PMS2: variants seen among roughly 807,000 people sequenced by gnomAD.
PMS2 encodes the protein PMS1 homolog 2, mismatch repair system component, also known as mismatch repair endonuclease PMS2.
In PMS2, 69 loss-of-function variants were observed where a neutral mutation model predicts 90.0. The ratio of observed to expected loss-of-function variants is 0.77; its 90% CI spans 0.63 to 0.94. PMS2 has a LOEUF of 0.94. PMS2 is among the 40% of genes least tolerant of loss of function. PMS2 has a pLI of 0.00. For missense variants in PMS2, 966 were observed against 1,040.2 expected (o/e 0.93, Z 0.98); for synonymous variants, 332 against 375.1 (o/e 0.89, Z 1.33).
At chr7:5,992,592 T>C (rs940243805) in intron 8 of PMS2, among the ~76,000 whole-genome samples, 4 of 152,206 alleles carry the variant, frequency 2.6e-5, no homozygotes, top group Non-Finnish European at 5.9e-5. Context: ...AGTGCTGGGA[T>C]TATAGGCGTA....
intron 14 of PMS2, among the ~76,000 whole-genome samples, chr7:5,976,068 A>G (rs2533071): frequency 0.037 from 5,140 of 138,914 alleles, 292 homozygotes; most frequent in Non-Finnish European, 0.046. Context: ...GTGAAACCCC[A>G]TCTCTATTAA....
At chr7:5,996,417 T>C (rs1041966984) in intron 7 of PMS2, among the ~76,000 whole-genome samples, 8 of 151,590 alleles carry the variant, frequency 5.3e-5, no homozygotes, top group African/African-American at 1.9e-4. Flanking sequence ...CAGCCGGGCA[T>C]GGTGGTGAAC....
In PMS2 at chr7:5,986,914, G is replaced by A. The variant is rs1554297171; in HGVS notation, c.1851C>T (p.Pro617=). The change falls in exon 11 of 15, where the codon CCC becomes CCT. Residue 617 remains proline, a synonymous_variant. Coordinates refer to ENST00000265849, the MANE Select transcript of PMS2 (RefSeq NM_000535.7). ...CTAAAGAACTCATAGAAAAGTCCAG[G>A]GGCACAACTTTCTTATTAATTTTCA... The part of the protein sequence containing the change: ...VAVKINKKVV[P]LDFSMSSLAK... 3.1e-6 allele frequency: 5 copies of A among 1,614,012 alleles called. No homozygotes were observed. Among genetic ancestry groups the A allele is most frequent in the Non-Finnish European group, 1.7e-6 (2 of 1,180,004 alleles).
In PMS2 at chr7:6,006,028, T is replaced by G. The variant is rs1060504842; in HGVS notation, c.27A>C (p.Thr9=). 3.7e-6 allele frequency: 6 copies of G among 1,610,618 alleles called. No homozygotes were observed. In the African/African-American group the frequency reaches 6.7e-5, roughly 18 times the overall value. Residue 9 remains threonine, a synonymous_variant, in exon 2 of 15, where the codon ACA becomes ACC. Coordinates refer to ENST00000265849, the MANE Select transcript of PMS2 (RefSeq NM_000535.7). The part of the protein sequence containing the change: MERAESSS[T]EPAKAIKPID... ...TAGGTTTGATGGCCTTAGCAGGTTC[T>G]GTACTAGAGAAATCAGTTACAAGAA...
At chr7:6,004,378 G>A in intron 2 of PMS2, 1 of 235,314 alleles carries the variant, frequency 4.2e-6, no homozygotes, top group South Asian at 6.1e-5. Context: ...GTTGCACTTT[G>A]ACCATCCTTT....
chr7:5,982,735 C>T (rs968172177), intron 12 of PMS2, 89 bp downstream of exon 12: 87 of 1,601,350 alleles, frequency 5.4e-5, no homozygotes, highest in Non-Finnish European at 7.3e-5. Context: ...TGGTCTCAAA[C>T]TCCTGGCCTC....
chr7:5,996,327 G>C (rs1264782651), intron 7 of PMS2, among the ~76,000 whole-genome samples: 2 of 152,064 alleles, frequency 1.3e-5, no homozygotes, highest in Non-Finnish European at 1.5e-5. Context: ...GCCAAGGTGG[G>C]TGGATCACCT....
At position 5,978,272 on chromosome 7, in the gene PMS2, A is replaced by ATT. The variant is rs1252477687; in HGVS notation, c.2275+322_2275+323dup. On this transcript the variant is annotated intron_variant, in intron 13 of 14. Coordinates refer to ENST00000265849, the MANE Select transcript of PMS2 (RefSeq NM_000535.7). ...AAAAAGACAAGAATCTATAGTTCTG[A>ATT]TTTTTTTTTTTTTTTGAGACAGAGT... 6.4e-4 allele frequency among the ~76,000 whole-genome samples: 91 copies of ATT among 141,926 alleles called. 2 individuals are homozygous for ATT. Among genetic ancestry groups the ATT allele is most frequent in the African/African-American group, 2.2e-3 (83 of 38,592 alleles). 93.1% of individuals were successfully genotyped at this position (141,926 alleles called of 152,430 possible). A position where few individuals can be genotyped will look rare whatever the true frequency, so the allele number is the denominator to read the frequency against.
intron 6 of PMS2, 67 bp from the exon 7 acceptor site, chr7:5,997,490 C>T: frequency 1.1e-6 from 1 of 902,384 alleles, no homozygotes. Flanking sequence ...AATCTGTTTT[C>T]TTTCTTAGTC....
At chr7:5,991,494 A>C (rs1443671584) in intron 9 of PMS2, among the ~76,000 whole-genome samples, 1 of 151,896 alleles carries the variant, frequency 6.6e-6, no homozygotes, top group Non-Finnish European at 1.5e-5. Context: ...TTTTCCTAAC[A>C]ATATAATTAA....
At chr7:5,993,085 CA>C (rs1554299794) in intron 8 of PMS2, among the ~76,000 whole-genome samples, 3 of 152,072 alleles carry the variant, frequency 2.0e-5, no homozygotes, top group Non-Finnish European at 2.9e-5. Flanking sequence ...CATTGAAAAA[CA>C]GGGGCTGGGA....
Position 6,005,888 on chromosome 7 carries a change from T to C in PMS2, c.163+4A>G, listed in dbSNP as rs864622749. 1.9e-6 allele frequency: 3 copies of C among 1,610,664 alleles called. No individual in the cohort carries two copies. The highest frequency in any genetic ancestry group is 2.5e-6 in the Non-Finnish European group (3 of 1,179,834). Reference sequence around the variant, plus strand: ...CTTGTGGCTTAAAACTCTCCCAAACTTACCAATATTAGTGGCACCAGCATC... The same window carrying C: ...CTTGTGGCTTAAAACTCTCCCAAACCTACCAATATTAGTGGCACCAGCATC... On this transcript the variant is annotated splice_donor_region_variant and intron_variant, in intron 2 of 14. Transcript: ENST00000265849.
Position 5,997,432 on chromosome 7 carries a change from A to G in PMS2, c.706-9T>C. 2 of 1,502,524 alleles carry G rather than the reference A, an allele frequency of 1.3e-6. No homozygotes were observed. Among genetic ancestry groups the G allele is most frequent in the Non-Finnish European group, 9.2e-7 (1 of 1,083,396 alleles). 93.1% of individuals were successfully genotyped at this position (1,502,524 alleles called of 1,614,324 possible). A position where few individuals can be genotyped will look rare whatever the true frequency, so the allele number is the denominator to read the frequency against. ...GGAATGAGGCTTTGCAACTGAAAAA[A>G]AAAAAAAAAAATTCACAGTTACTTC... On this transcript the variant is annotated splice_polypyrimidine_tract_variant and intron_variant, in intron 6 of 14. Coordinates refer to ENST00000265849, the MANE Select transcript of PMS2 (RefSeq NM_000535.7).
chr7:5,978,653 T>C lies in PMS2; in HGVS notation c.2218A>G (p.Ile740Val), dbSNP rs371928968. 1 of 1,603,564 alleles carries C rather than the reference T, an allele frequency of 6.2e-7. No individual in the cohort carries two copies. The highest frequency in any genetic ancestry group is 8.5e-7 in the Non-Finnish European group (1 of 1,173,106). Residue 740 changes from isoleucine (I) to valine (V), a missense_variant, in exon 13 of 15, where the codon ATA (isoleucine) becomes GTA (valine). Physicochemically the swap from Ile to Val is conservative, Grantham distance 29. This residue lies in a region of PMS2 where 95 missense variants were observed against 237.8 expected (regional missense o/e 0.40). Coordinates refer to ENST00000265849, the MANE Select transcript of PMS2 (RefSeq NM_000535.7). ...TTTCTAAATATTTCCAGATTTTCTATCAGAACAGCTTCATTAACAGCAGTT... is the reference window on the plus strand; with the variant it reads ...TTTCTAAATATTTCCAGATTTTCTACCAGAACAGCTTCATTAACAGCAGTT... ...NLTAVNEAVL[I>V]ENLEIFRKNG...
rs63750788 is a variant in PMS2, at chr7:5,986,953, C to G, written c.1812G>C (p.Gln604His). The G allele has an allele frequency of 6.2e-7, 1 of 1,614,084 alleles. No homozygotes were observed. Among genetic ancestry groups the G allele is most frequent in the Non-Finnish European group, 8.5e-7 (1 of 1,179,966 alleles). The stretch of plus-strand genomic sequence containing the variant: ...TATTAATTTTCACAGCTACATCAAC[C>G]TGAGAGGCTGACATGTCCTGAGTAT... ...LVNTQDMSASQVDVAVKINKK... is the reference protein window; with the variant it reads ...LVNTQDMSASHVDVAVKINKK... The change falls in exon 11 of 15, where the codon CAG becomes CAC. Residue 604 changes from glutamine (Q) to histidine (H), a missense_variant. Transcript: ENST00000265849.
In PMS2 at chr7:5,991,997, C is replaced by T. The variant is rs587782208; in HGVS notation, c.964G>A (p.Val322Ile). ...CCTGAATCAACAGAAATGTTAAGAA[C>T]AACAAATGGATACTGGTGTCGATTA... ...MYNRHQYPFV[V>I]LNISVDSECV... Residue 322 changes from valine (V) to isoleucine (I), a missense_variant, in exon 9 of 15, where the codon GTT (valine) becomes ATT (isoleucine). Physicochemically the swap from Val to Ile is conservative, Grantham distance 29 (BLOSUM62 3). This residue lies in a region of PMS2 where 871 missense variants were observed against 802.4 expected (regional missense o/e 1.09). Coordinates refer to ENST00000265849, the MANE Select transcript of PMS2 (RefSeq NM_000535.7). The T allele has an allele frequency of 5.6e-6, 9 of 1,594,678 alleles. No homozygotes were observed. The highest frequency in any genetic ancestry group is 1.7e-5 in the Admixed American group (1 of 59,958).
At position 6,002,476 on chromosome 7, in the gene PMS2, C is replaced by T. The variant is rs876660196; in HGVS notation, c.514G>A (p.Glu172Lys). ...LFSTLPVRHKEFQRNIKKEYA... is the reference protein window; with the variant it reads ...LFSTLPVRHKKFQRNIKKEYA... The stretch of plus-strand genomic sequence containing the variant: ...ACCTTCTTAATATTCCTTTGAAATT[C>T]CTTATGGCGCACAGGTAGTGTGGAA... Residue 172 changes from glutamate to lysine, a missense_variant, in exon 5 of 15, where the codon GAA becomes AAA. Physicochemically the swap from Glu to Lys is moderately conservative, Grantham distance 56 (BLOSUM62 1). Coordinates refer to ENST00000265849, the MANE Select transcript of PMS2 (RefSeq NM_000535.7). 1 of 1,611,072 alleles carries T rather than the reference C, an allele frequency of 6.2e-7. No homozygotes were observed. The highest frequency in any genetic ancestry group is 8.5e-7 in the Non-Finnish European group (1 of 1,179,266).
Position 5,992,107 on chromosome 7 carries a change from C to T in PMS2, c.904-50G>A, listed in dbSNP as rs746395710. ...AAGAATAAATGACAAATGTTCCCAG[C>T]CCCCCGCATTCTAACAACATTCTAT... On this transcript the variant is annotated intron_variant, in intron 8 of 14. Transcript: ENST00000265849. The T allele has an allele frequency of 1.8e-5, 17 of 951,290 alleles. No homozygotes were observed. The East Asian group carries it at 3.8e-4, about 22-fold the overall frequency. The allele number at this position is 951,290 out of a possible 1,614,324, so 58.9% of individuals were successfully genotyped here.
chr7:5,990,873 G>T (rs1400658318), intron 9 of PMS2, among the ~76,000 whole-genome samples: 4 of 152,106 alleles, frequency 2.6e-5, no homozygotes, highest in African/African-American at 4.8e-5. Flanking sequence ...AAATTAGTCA[G>T]GCATGGTGGC....
Sources: allele counts gnomAD v4.1 joint callset (sites outside exome capture counted in the v4.1 genomes callset), GRCh38; gene constraint gnomAD v4.1.1; regional missense constraint gnomAD v4.1.1; transcripts MANE v1.5; gene names NCBI Gene and HGNC (gene_info 2026-07-23, HGNC 2026-07-21).